Variants in PCDHA13 observed in about 807,000 individuals in gnomAD.
PCDHA13 encodes protocadherin alpha 13, also known as protocadherin alpha-13.
PCDHA13 carries 54 observed loss-of-function variants against 64.8 expected under a neutral mutation model. The observed-to-expected ratio is 0.83, with a 90% CI of 0.67 to 1.04. PCDHA13 has a LOEUF of 1.04. Among genes scored for constraint, PCDHA13 ranks in the 50% least tolerant of loss-of-function variants. PCDHA13 has a pLI of 0.00. For missense variants in PCDHA13, 1,248 were observed against 1,254.3 expected (o/e 0.99, Z 0.08); for synonymous variants, 587 against 564.4 (o/e 1.04, Z -0.57).
chr5:140,887,670 C>A (rs368430565), intron 1 of PCDHA13, among the ~76,000 whole-genome samples: 2 of 151,988 alleles, frequency 1.3e-5, no homozygotes, highest in Non-Finnish European at 2.9e-5. Flanking sequence ...GTGGATTTAT[C>A]ATTTTCATCA....
intron 1 of PCDHA13, among the ~76,000 whole-genome samples, chr5:140,907,552 C>A (rs576974083): frequency 1.4e-4 from 21 of 152,278 alleles, no homozygotes; most frequent in Admixed American, 1.3e-3. Flanking sequence ...GGAAGAGGTC[C>A]AATATAATCA....
chr5:140,882,658 G>T lies in PCDHA13; in HGVS notation c.390G>T (p.Pro130=). 4 of 1,614,148 alleles carry T rather than the reference G, an allele frequency of 2.5e-6. No individual in the cohort carries two copies. The highest frequency in any genetic ancestry group is 1.1e-5 in the South Asian group (1 of 91,080). The change falls in exon 1 of 4, where the codon CCG becomes CCT. Residue 130 remains proline, a synonymous_variant. Transcript: ENST00000289272. The part of the protein sequence containing the change: ...EVKVRDINDN[P]PIFPESKKRI... The stretch of plus-strand genomic sequence containing the variant: ...AGGTGAGGGACATTAACGACAACCC[G>T]CCCATATTCCCTGAAAGCAAGAAAC...
chr5:140,936,987 T>A (rs996790487), intron 1 of PCDHA13, among the ~76,000 whole-genome samples: 1 of 152,170 alleles, frequency 6.6e-6, no homozygotes, highest in Non-Finnish European at 1.5e-5. Flanking sequence ...CTTGTTAACA[T>A]TGACAATATT....
At chr5:140,963,421 T>C (rs1554226598) in intron 1 of PCDHA13, among the ~76,000 whole-genome samples, 2 of 152,252 alleles carry the variant, frequency 1.3e-5, no homozygotes, top group African/African-American at 4.8e-5. Flanking sequence ...ACAGCATGTT[T>C]AGGAACTAAC....
intron 1 of PCDHA13, among the ~76,000 whole-genome samples, chr5:140,912,893 T>C (rs1346036777): frequency 6.6e-6 from 1 of 152,262 alleles, no homozygotes; most frequent in East Asian, 1.9e-4. Context: ...TCTGTTGATA[T>C]GATGTATCAT....
At chr5:140,968,231 T>A in intron 1 of PCDHA13, 1 of 1,614,032 alleles carries the variant, frequency 6.2e-7, no homozygotes. Context: ...TGTGTTGCTC[T>A]GTACTGTGCA....
At position 140,915,626 on chromosome 5, in the gene PCDHA13, G is replaced by GTCTCTCTCTCTC. The variant is rs57920489; in HGVS notation, c.2394+30983_2394+30994dup. 2.6e-4 allele frequency among the ~76,000 whole-genome samples: 38 copies of GTCTCTCTCTCTC among 146,532 alleles called. No individual in the cohort carries two copies. In the Middle Eastern group the frequency reaches 0.011, roughly 41 times the overall value. Reference sequence around the variant, plus strand: ...ACTTTCTGTCAAACAGTCTCTTTCTGTCTCTCTCTCTCTCTCTCTCTCTCT... The same window carrying GTCTCTCTCTCTC: ...ACTTTCTGTCAAACAGTCTCTTTCTGTCTCTCTCTCTCTCTCTCTCTCTCTCTCTCTCTCTCT... On this transcript the variant is annotated intron_variant, in intron 1 of 3. Coordinates refer to ENST00000289272, the MANE Select transcript of PCDHA13 (RefSeq NM_018904.3).
intron 3 of PCDHA13, among the ~76,000 whole-genome samples, chr5:140,985,081 G>C (rs1028077723): frequency 1.3e-5 from 2 of 152,088 alleles, no homozygotes; most frequent in African/African-American, 4.8e-5. Flanking sequence ...GAGACTACAG[G>C]CGTGTGCCAC....
intron 2 of PCDHA13, 123 bp from the exon 3 acceptor site, chr5:140,982,352 G>A (rs1554244046): frequency 4.0e-6 from 6 of 1,507,640 alleles, no homozygotes; most frequent in Non-Finnish European, 5.3e-6. Context: ...TTCAGTTCAA[G>A]CATGAGCAGA....
chr5:140,968,176 G>A, intron 1 of PCDHA13: 1 of 1,614,062 alleles, frequency 6.2e-7, no homozygotes, highest in Non-Finnish European at 8.5e-7. Flanking sequence ...CAAGCTTCCT[G>A]GAGGACTCCT....
chr5:140,923,551 T>C (rs1398661049), intron 1 of PCDHA13, among the ~76,000 whole-genome samples: 1 of 152,146 alleles, frequency 6.6e-6, no homozygotes, highest in Non-Finnish European at 1.5e-5. Flanking sequence ...AAATGAAATA[T>C]CAGCAATGAA....
At chr5:140,947,374 T>C (rs1252253428) in intron 1 of PCDHA13, among the ~76,000 whole-genome samples, 7 of 151,768 alleles carry the variant, frequency 4.6e-5, no homozygotes, top group Admixed American at 4.6e-4. Context: ...TTGATCTATA[T>C]GTTTATCCTT....
chr5:140,922,441 A>G (rs2080844983), intron 1 of PCDHA13, among the ~76,000 whole-genome samples: 1 of 152,216 alleles, frequency 6.6e-6, no homozygotes, highest in Non-Finnish European at 1.5e-5. Flanking sequence ...GAACTCTCTC[A>G]TTATCCTATT....
intron 3 of PCDHA13, among the ~76,000 whole-genome samples, chr5:140,987,740 A>G (rs1454887233): frequency 6.6e-6 from 1 of 152,078 alleles, no homozygotes; most frequent in Admixed American, 6.5e-5. Flanking sequence ...CAAAATTTAG[A>G]CCCAGGTTGT....
intron 1 of PCDHA13, chr5:140,927,999 C>T: frequency 6.2e-7 from 1 of 1,614,174 alleles, no homozygotes; most frequent in Non-Finnish European, 8.5e-7. Flanking sequence ...ATGAAGACCT[C>T]GATTCTAATG....
chr5:140,924,900 AAAAAAT>A (rs2082118159), intron 1 of PCDHA13, among the ~76,000 whole-genome samples: 2 of 63,328 alleles, frequency 3.2e-5, no homozygotes, highest in African/African-American at 5.4e-5. Flanking sequence ...GTCTCAAAAA[AAAAAAT>A]AAAATAAAAT....
intron 1 of PCDHA13, chr5:140,969,506 G>A (rs1262259666): frequency 2.9e-5 from 41 of 1,426,940 alleles, no homozygotes; most frequent in Non-Finnish European, 3.6e-5. Context: ...TAGAAAAATA[G>A]CACTAAAGAA....
intron 1 of PCDHA13, among the ~76,000 whole-genome samples, chr5:140,899,629 G>T (rs2067446538): frequency 6.6e-6 from 1 of 152,116 alleles, no homozygotes; most frequent in African/African-American, 2.4e-5. Flanking sequence ...AAGGATATTG[G>T]TCTAAAATTC....
intron 1 of PCDHA13, among the ~76,000 whole-genome samples, chr5:140,952,726 A>C (rs2094788337): frequency 6.6e-6 from 1 of 152,188 alleles, no homozygotes; most frequent in African/African-American, 2.4e-5. Context: ...TTTCTGTACT[A>C]GTCTTTTCTC....
Sources: allele counts gnomAD v4.1 joint callset (sites outside exome capture counted in the v4.1 genomes callset), GRCh38; gene constraint gnomAD v4.1.1; transcripts MANE v1.5; gene names NCBI Gene and HGNC (gene_info 2026-07-23, HGNC 2026-07-21).